NEK11: variants seen among roughly 807,000 people sequenced by gnomAD.
The protein encoded by NEK11 is NIMA related kinase 11, also known as serine/threonine-protein kinase Nek11.
Under a neutral mutation model 80.7 loss-of-function variants are expected in NEK11, and 72 were observed. The observed-to-expected ratio is 0.89, with a 90% CI of 0.74 to 1.08. The LOEUF is 1.08. Among genes scored for constraint, NEK11 ranks in the 50% least tolerant of loss-of-function variants. The probability of loss-of-function intolerance (pLI) is 0.00; values close to 1 mark genes in which losing one functional copy is unlikely to be tolerated. For missense variants in NEK11, 764 were observed against 763.6 expected (o/e 1.00, Z -0.01); for synonymous variants, 251 against 260.7 (o/e 0.96, Z 0.36).
intron 5 of NEK11, among the ~76,000 whole-genome samples, chr3:131,131,607 T>G (rs2084496855): frequency 1.3e-5 from 2 of 152,144 alleles, no homozygotes; most frequent in Non-Finnish European, 2.9e-5. Flanking sequence ...TCTTCTATCT[T>G]TTTATTTTAC....
chr3:131,110,746 A>G (rs569742430), intron 5 of NEK11, among the ~76,000 whole-genome samples: 1 of 152,268 alleles, frequency 6.6e-6, no homozygotes, highest in African/African-American at 2.4e-5. Context: ...ACCAAGGTCT[A>G]ACTATCCGTG....
At chr3:131,104,966 G>A (rs1355370494) in intron 4 of NEK11, among the ~76,000 whole-genome samples, 1 of 152,208 alleles carries the variant, frequency 6.6e-6, no homozygotes, top group African/African-American at 2.4e-5. Flanking sequence ...GTGGGCAGCT[G>A]TCCTACCTTG....
At chr3:131,101,817 G>A (rs2078405640) in intron 4 of NEK11, among the ~76,000 whole-genome samples, 1 of 152,014 alleles carries the variant, frequency 6.6e-6, no homozygotes, top group Non-Finnish European at 1.5e-5. Flanking sequence ...CTGTCAGTGG[G>A]GTACTGAAGC....
intron 17 of NEK11, among the ~76,000 whole-genome samples, chr3:131,317,831 A>AGGGGGAGGGGAGGGGGGGGGGGG (rs1209789551): frequency 2.7e-5 from 3 of 112,304 alleles, no homozygotes; most frequent in Admixed American, 1.8e-4. Flanking sequence ...AGGGGAGGGG[A>AGGGGGAGGGGAGGGGGGGGGGGG]GGGAACGAGA....
chr3:131,286,798 T>C (rs569181369), intron 17 of NEK11, among the ~76,000 whole-genome samples: 1 of 152,314 alleles, frequency 6.6e-6, no homozygotes, highest in Non-Finnish European at 1.5e-5. Context: ...GACAGTATGG[T>C]ATGAAGATAT....
intron 11 of NEK11, among the ~76,000 whole-genome samples, chr3:131,164,590 A>G (rs1462435230): frequency 6.6e-6 from 1 of 152,244 alleles, no homozygotes. Flanking sequence ...ACATATACAG[A>G]TTACAAAATA....
chr3:131,349,263 G>A (rs924949280), intron 17 of NEK11, among the ~76,000 whole-genome samples: 1 of 151,996 alleles, frequency 6.6e-6, no homozygotes, highest in African/African-American at 2.4e-5. Context: ...AAACACATCT[G>A]TGTGTATATC....
chr3:131,170,593 C>G (rs1455237174), intron 13 of NEK11, among the ~76,000 whole-genome samples, 180 bp from the exon 14 acceptor site: 2 of 152,192 alleles, frequency 1.3e-5, no homozygotes, highest in Non-Finnish European at 2.9e-5. Context: ...TCACCTGTCT[C>G]ATTGATTCAG....
At chr3:131,264,599 T>C (rs1184356511) in intron 16 of NEK11, among the ~76,000 whole-genome samples, 2 of 152,352 alleles carry the variant, frequency 1.3e-5, no homozygotes, top group Admixed American at 1.3e-4. Context: ...AGTACCATGC[T>C]GTTTTGGTTA....
intron 3 of NEK11, among the ~76,000 whole-genome samples, chr3:131,056,928 G>A (rs2069621990): frequency 6.6e-6 from 1 of 151,440 alleles, no homozygotes; most frequent in Admixed American, 6.6e-5. Flanking sequence ...GGGTACATGT[G>A]CACAATGTGC....
chr3:131,325,788 G>A (rs970258973), intron 17 of NEK11: 7 of 152,130 alleles, frequency 4.6e-5, no homozygotes, highest in Non-Finnish European at 1.0e-4. Flanking sequence ...AGAACCACTA[G>A]TCAGATACCA....
chr3:131,255,726 AGTT>A (rs1445863231), intron 16 of NEK11, among the ~76,000 whole-genome samples: 1 of 152,156 alleles, frequency 6.6e-6, no homozygotes, highest in Non-Finnish European at 1.5e-5. Flanking sequence ...TTGAAAAAAA[AGTT>A]GTATGCCATA....
intron 17 of NEK11, among the ~76,000 whole-genome samples, chr3:131,338,247 G>A (rs2097221584): frequency 6.8e-6 from 1 of 146,006 alleles, no homozygotes; most frequent in Admixed American, 6.9e-5. Flanking sequence ...TTACAGGCAT[G>A]AGCCACGGCG....
At chr3:131,108,532 T>C (rs561360029) in intron 4 of NEK11, among the ~76,000 whole-genome samples, 2 of 152,242 alleles carry the variant, frequency 1.3e-5, no homozygotes, top group Admixed American at 6.5e-5. Flanking sequence ...ATGGATCAGG[T>C]CTAAGGGTTC....
chr3:131,323,108 T>G (rs2096913333), intron 17 of NEK11, among the ~76,000 whole-genome samples: 1 of 152,188 alleles, frequency 6.6e-6, no homozygotes, highest in Non-Finnish European at 1.5e-5. Flanking sequence ...CTCTTGCAAA[T>G]GTTTTCAAAT....
At chr3:131,317,070 T>G (rs1475360435) in intron 17 of NEK11, among the ~76,000 whole-genome samples, 1 of 152,196 alleles carries the variant, frequency 6.6e-6, no homozygotes, top group Non-Finnish European at 1.5e-5. Flanking sequence ...TAGGCAATAA[T>G]TTCCTTTTTG....
In NEK11 at chr3:131,349,552, G is replaced by A; in HGVS notation, c.1719-5G>A. 1 of 1,607,770 alleles carries A rather than the reference G, an allele frequency of 6.2e-7. No homozygotes were observed. Among genetic ancestry groups the A allele is most frequent in the African/African-American group, 1.3e-5 (1 of 74,604 alleles). ...CTTTGTAATCTTTTGTAACTTTTTT[G>A]ACAGATCAGCCATGCAGAAGCTGGG... On this transcript the variant is annotated splice_region_variant and splice_polypyrimidine_tract_variant and intron_variant, in intron 17 of 17. Coordinates refer to ENST00000383366, the MANE Select transcript of NEK11 (RefSeq NM_024800.5).
rs571414613 is a variant in NEK11, at chr3:131,259,462, T to C, written c.1622-14016T>C. ...AACCAAGACAATAATCTCCATGCCC[T>C]CAACCTTATCCACTTCAACCTTTAG... On this transcript the variant is annotated intron_variant, in intron 16 of 17. Coordinates refer to ENST00000383366, the MANE Select transcript of NEK11 (RefSeq NM_024800.5). Among the ~76,000 whole-genome samples, 16 of 152,314 alleles carry C rather than the reference T, an allele frequency of 1.1e-4. No homozygotes were observed. In the South Asian group the frequency reaches 3.1e-3, roughly 30 times the overall value.
At chr3:131,223,053 G>A (rs984666533) in intron 14 of NEK11, among the ~76,000 whole-genome samples, 6 of 152,170 alleles carry the variant, frequency 3.9e-5, no homozygotes, top group African/African-American at 9.7e-5. Context: ...GCATACAGAA[G>A]ATCTGGAATG....
Sources: allele counts gnomAD v4.1 joint callset (sites outside exome capture counted in the v4.1 genomes callset), GRCh38; gene constraint gnomAD v4.1.1; transcripts MANE v1.5; gene names NCBI Gene and HGNC (gene_info 2026-07-23, HGNC 2026-07-21).